The following ERC2 variants were observed in gnomAD, a reference collection of about 807,000 sequenced individuals.
ERC2 encodes the protein ERC protein 2.
In ERC2, 42 loss-of-function variants were observed where a neutral mutation model predicts 114.8. The observed-to-expected ratio is 0.37, with a 90% CI of 0.29 to 0.47. The LOEUF is 0.47. ERC2 is among the 20% of genes least tolerant of loss of function. ERC2 has a pLI of 0.99. For missense variants in ERC2, 939 were observed against 1,150.7 expected (o/e 0.82, Z 2.66); for synonymous variants, 454 against 425.5 (o/e 1.07, Z -0.82).
intron 15 of ERC2, among the ~76,000 whole-genome samples, chr3:55,721,973 T>C (rs1175333815): frequency 6.6e-6 from 1 of 152,182 alleles, no homozygotes; most frequent in Non-Finnish European, 1.5e-5. Flanking sequence ...TGCAAGATAA[T>C]CAGTTAATTG....
intron 14 of ERC2, among the ~76,000 whole-genome samples, chr3:55,805,595 C>T (rs1238631272): frequency 6.6e-6 from 1 of 151,808 alleles, no homozygotes; most frequent in Non-Finnish European, 1.5e-5. Context: ...TTGCATTTCA[C>T]AGGAAAAAAT....
chr3:55,572,304 G>A (rs1165876141), intron 17 of ERC2, among the ~76,000 whole-genome samples: 4 of 152,214 alleles, frequency 2.6e-5, no homozygotes, highest in Non-Finnish European at 4.4e-5. Flanking sequence ...CTGGAGAAAT[G>A]CTTGTGGCCC....
chr3:56,290,069 C>G (rs1013812443), intron 3 of ERC2, among the ~76,000 whole-genome samples: 3 of 152,236 alleles, frequency 2.0e-5, no homozygotes, highest in Admixed American at 6.5e-5. Context: ...GATACTCCCA[C>G]AGCATCCTCC....
Position 55,697,437 on chromosome 3 carries a change from A to G in ERC2, c.2847+1941T>C, listed in dbSNP as rs545951701. On this transcript the variant is annotated intron_variant, in intron 16 of 17. Coordinates refer to ENST00000288221, the MANE Select transcript of ERC2 (RefSeq NM_015576.3). The stretch of plus-strand genomic sequence containing the variant: ...AGCCAGACACTCTTCAAGGAATGCT[A>G]ACTCTTCTGGGAAGGACACCACCCT... Among the ~76,000 whole-genome samples the G allele has an allele frequency of 3.3e-5, 5 of 152,324 alleles. No individual in the cohort carries two copies. In the East Asian group the frequency reaches 7.7e-4, roughly 24 times the overall value.
At chr3:55,758,740 A>G (rs989708952) in intron 14 of ERC2, among the ~76,000 whole-genome samples, 9 of 152,212 alleles carry the variant, frequency 5.9e-5, no homozygotes. Flanking sequence ...CTTATTACAC[A>G]TTAAAAGCCA....
At chr3:56,265,700 C>A (rs571101439) in intron 3 of ERC2, among the ~76,000 whole-genome samples, 1 of 152,196 alleles carries the variant, frequency 6.6e-6, no homozygotes, top group East Asian at 1.9e-4. Flanking sequence ...AACCATATAT[C>A]TGATAAGAGG....
chr3:55,802,396 G>A (rs1041818492), intron 14 of ERC2, among the ~76,000 whole-genome samples: 2 of 152,122 alleles, frequency 1.3e-5, no homozygotes, highest in Admixed American at 6.5e-5. Flanking sequence ...GTTCAGATAG[G>A]GAGAACACCC....
chr3:56,390,126 G>C (rs115906647), intron 2 of ERC2, among the ~76,000 whole-genome samples: 3,669 of 152,054 alleles, frequency 0.024, 41 homozygotes, highest in South Asian at 0.071. Flanking sequence ...ATCCTTTTCT[G>C]AAAACCTCTC....
intron 3 of ERC2, among the ~76,000 whole-genome samples, chr3:56,293,377 G>A (rs932698418): frequency 3.9e-5 from 6 of 152,190 alleles, no homozygotes; most frequent in African/African-American, 1.4e-4. Flanking sequence ...TTTCAGGAAT[G>A]GGCAAGGGAA....
intron 4 of ERC2, among the ~76,000 whole-genome samples, chr3:56,164,085 T>C (rs1048477315): frequency 1.3e-5 from 2 of 152,004 alleles, no homozygotes; most frequent in Non-Finnish European, 2.9e-5. Flanking sequence ...ATTTCCTTTA[T>C]AATATTTTTC....
At chr3:56,303,803 C>T (rs1159657019) in intron 2 of ERC2, among the ~76,000 whole-genome samples, 1 of 152,128 alleles carries the variant, frequency 6.6e-6, no homozygotes, top group African/African-American at 2.4e-5. Context: ...CCCCCTGGCG[C>T]CTAACAGATG....
intron 14 of ERC2, among the ~76,000 whole-genome samples, chr3:55,781,369 C>G (rs2069027096): frequency 6.6e-6 from 1 of 152,220 alleles, no homozygotes; most frequent in African/African-American, 2.4e-5. Flanking sequence ...CAGCCCTGCT[C>G]TCCAGGGTAG....
chr3:55,784,769 A>G (rs998224044), intron 14 of ERC2, among the ~76,000 whole-genome samples: 1 of 152,202 alleles, frequency 6.6e-6, no homozygotes, highest in Non-Finnish European at 1.5e-5. Flanking sequence ...CATGAAGCCA[A>G]CTGGGAGACA....
rs577679485 is a variant in ERC2, at chr3:55,881,169, C to G, written c.2564+7220G>C. 7.9e-5 allele frequency among the ~76,000 whole-genome samples: 12 copies of G among 152,148 alleles called. No individual in the cohort carries two copies. The South Asian group carries it at 2.5e-3, about 32-fold the overall frequency. On this transcript the variant is annotated intron_variant, in intron 14 of 17. Coordinates refer to ENST00000288221, the MANE Select transcript of ERC2 (RefSeq NM_015576.3). ...TAAATTGATTTTATCATTTCTGCACCCTTGCTCTCCTTTGAAGGGTACTTA... is the reference window on the plus strand; with the variant it reads ...TAAATTGATTTTATCATTTCTGCACGCTTGCTCTCCTTTGAAGGGTACTTA...
intron 17 of ERC2, among the ~76,000 whole-genome samples, chr3:55,669,679 G>A (rs1253547840): frequency 6.6e-6 from 1 of 152,202 alleles, no homozygotes. Context: ...GAGGGCTTTT[G>A]AACTTGCAGG....
chr3:55,867,952 C>T (rs1449575563), intron 14 of ERC2, among the ~76,000 whole-genome samples: 1 of 152,010 alleles, frequency 6.6e-6, no homozygotes, highest in South Asian at 2.1e-4. Context: ...ATGATTCAAC[C>T]TTATTCAGCC....
chr3:56,356,854 G>A (rs1478335884), intron 2 of ERC2, among the ~76,000 whole-genome samples: 1 of 152,098 alleles, frequency 6.6e-6, no homozygotes, highest in Non-Finnish European at 1.5e-5. Context: ...ATTTTCCTAT[G>A]CTGGGTAAAT....
intron 17 of ERC2, among the ~76,000 whole-genome samples, chr3:55,565,080 G>A (rs551707327): frequency 6.6e-6 from 1 of 152,162 alleles, no homozygotes; most frequent in Non-Finnish European, 1.5e-5. Flanking sequence ...AGAGCAGCAG[G>A]TTAAAGGAAC....
chr3:55,966,632 G>A (rs183849602), intron 12 of ERC2, among the ~76,000 whole-genome samples: 1 of 152,266 alleles, frequency 6.6e-6, no homozygotes, highest in East Asian at 1.9e-4. Context: ...TAGCTAGAGG[G>A]AGGCAGTGCT....
Sources: gnomAD v4.1 joint callset for allele counts (sites outside exome capture counted in the v4.1 genomes callset) on GRCh38, gnomAD v4.1.1 for gene constraint, MANE v1.5 for transcripts, NCBI Gene and HGNC (gene_info 2026-07-23, HGNC 2026-07-21) for gene names.